Variants in COL4A6 observed in about 807,000 individuals in gnomAD.
COL4A6 encodes the protein collagen alpha-6(IV) chain.
A neutral mutation model predicts 126.7 loss-of-function variants in COL4A6; 59 were observed. That is an observed-to-expected ratio of 0.47 (90% CI 0.38 to 0.58). COL4A6 has a LOEUF of 0.58. COL4A6 is among the 20% of genes least tolerant of loss of function. The probability of loss-of-function intolerance (pLI) is 0.00; values close to 1 mark genes in which losing one functional copy is unlikely to be tolerated. For synonymous variants in COL4A6, 547 were observed against 496.6 expected, an observed-to-expected ratio of 1.10 and a Z score of -1.35; for missense variants, 1,285 against 1,337.3, an observed-to-expected ratio of 0.96 and a Z score of 0.61.
chrX:108,343,162 TATAGTGTG>T (rs2039618701), intron 2 of COL4A6, among the ~76,000 whole-genome samples: 2 of 36,798 alleles, frequency 5.4e-5, no homozygotes, highest in Non-Finnish European at 1.1e-4. Context: ...TATATATATA[TATAGTGTG>T]TGTGTGTGTG....
intron 8 of COL4A6, among the ~76,000 whole-genome samples, chrX:108,208,301 T>C (rs2035608273): frequency 8.9e-6 from 1 of 111,828 alleles, no homozygotes; most frequent in African/African-American, 3.3e-5. Context: ...AGGAAGGACA[T>C]AGAAGATCCA....
At chrX:108,303,582 T>A (rs2038551903) in intron 3 of COL4A6, among the ~76,000 whole-genome samples, 1 of 111,917 alleles carries the variant, frequency 8.9e-6, no homozygotes, top group Admixed American at 9.4e-5. Flanking sequence ...ATGAGATTTA[T>A]ACAAGCAATG....
At chrX:108,369,382 A>G (rs900577074) in intron 2 of COL4A6, among the ~76,000 whole-genome samples, 2 of 111,825 alleles carry the variant, frequency 1.8e-5, no homozygotes, top group African/African-American at 6.5e-5. Flanking sequence ...AAACCTGGAC[A>G]GTTCAACCTA....
chrX:108,259,608 C>T lies in COL4A6; in HGVS notation c.145-38234G>A, dbSNP rs185284039. Among the ~76,000 whole-genome samples the T allele has an allele frequency of 3.1e-4, 35 of 111,750 alleles. 1 individual carries two copies. The Admixed American group carries it at 3.2e-3, about 10-fold the overall frequency. On this transcript the variant is annotated intron_variant, in intron 3 of 44. Coordinates refer to ENST00000334504, the MANE Select transcript of COL4A6 (RefSeq NM_033641.4). ...CCATTATTCTTTAAGCCTTGCTCTT[C>T]TCATCTATAAAATAAGAGGATTAAG...
At chrX:108,197,255 G>A (rs571554958) in intron 13 of COL4A6, among the ~76,000 whole-genome samples, 4 of 111,817 alleles carry the variant, frequency 3.6e-5, no homozygotes, top group African/African-American at 1.3e-4. Flanking sequence ...CATCAGAGGT[G>A]AGGGTTTGTA....
chrX:108,387,312 G>A (rs2040722703), intron 2 of COL4A6, among the ~76,000 whole-genome samples: 1 of 111,896 alleles, frequency 8.9e-6, no homozygotes. Context: ...GGGCAGTATG[G>A]CCATTTTCAC....
At chrX:108,177,427 A>T (rs1465579234) in intron 27 of COL4A6, among the ~76,000 whole-genome samples, 1 of 111,895 alleles carries the variant, frequency 8.9e-6, no homozygotes. Flanking sequence ...GGTGAAGTAG[A>T]GGTTAAAGCT....
chrX:108,300,755 A>G (rs867299944), intron 3 of COL4A6, among the ~76,000 whole-genome samples: 1 of 62,132 alleles, frequency 1.6e-5, no homozygotes, highest in Non-Finnish European at 2.7e-5. Context: ...GTGTGTGTGT[A>G]GCCGCCCTAA....
intron 3 of COL4A6, among the ~76,000 whole-genome samples, chrX:108,263,757 G>A (rs766631059): frequency 7.2e-4 from 80 of 111,475 alleles, no homozygotes; most frequent in African/African-American, 2.4e-3. Context: ...TTAGTTTGGG[G>A]GTAGATCCCA....
Position 108,329,433 on chromosome X carries a change from T to C in COL4A6, c.64-18605A>G, listed in dbSNP as rs771053362. ...TCCAATCACAATGTAGGGACTTTAT[T>C]TGGATACTCAAATGTAAGGAAGCAA... On this transcript the variant is annotated intron_variant, in intron 2 of 44. Coordinates refer to ENST00000334504, the MANE Select transcript of COL4A6 (RefSeq NM_033641.4). Among the ~76,000 whole-genome samples the C allele has an allele frequency of 4.5e-5, 5 of 112,039 alleles. No homozygotes were observed. In the East Asian group the frequency reaches 1.4e-3, roughly 31 times the overall value.
intron 2 of COL4A6, among the ~76,000 whole-genome samples, chrX:108,368,438 G>A (rs187805449): frequency 1.8e-5 from 2 of 111,011 alleles, no homozygotes; most frequent in African/African-American, 6.6e-5. Flanking sequence ...AGTGAGTGGT[G>A]AGTGAATGTG....
At chrX:108,390,596 T>C (rs1169311244) in intron 2 of COL4A6, among the ~76,000 whole-genome samples, 2 of 109,711 alleles carry the variant, frequency 1.8e-5, no homozygotes, top group Non-Finnish European at 3.8e-5. Context: ...ATTTATGTCT[T>C]CTCTAAACTG....
intron 2 of COL4A6, among the ~76,000 whole-genome samples, chrX:108,336,476 G>A (rs1035312337): frequency 9.0e-6 from 1 of 111,238 alleles, no homozygotes; most frequent in Non-Finnish European, 1.9e-5. Context: ...CCAGGGGCTG[G>A]GGAGAGAGGT....
intron 3 of COL4A6, among the ~76,000 whole-genome samples, chrX:108,291,274 G>A (rs2038155426): frequency 8.9e-6 from 1 of 112,144 alleles, no homozygotes; most frequent in Admixed American, 9.4e-5. Context: ...CTCTCTGCTG[G>A]TGATAAGCAC....
At chrX:108,289,243 G>A (rs985591993) in intron 3 of COL4A6, among the ~76,000 whole-genome samples, 7 of 31,092 alleles carry the variant, frequency 2.3e-4, no homozygotes, top group Non-Finnish European at 3.5e-4. Context: ...AATGAGTATA[G>A]TGTGTGTGTG....
chrX:108,430,766 A>T (rs928360275), intron 2 of COL4A6, among the ~76,000 whole-genome samples: 2 of 112,066 alleles, frequency 1.8e-5, no homozygotes, highest in Non-Finnish European at 3.8e-5. Context: ...AATAAAAAAG[A>T]TCACAGCTGG....
chrX:108,180,715 G>A (rs921808837), intron 24 of COL4A6, 93 bp from the exon 25 acceptor site: 6 of 815,324 alleles, frequency 7.4e-6, no homozygotes, highest in Non-Finnish European at 1.1e-5. Flanking sequence ...GTCTCTTGGA[G>A]AGCCTCTCCT....
In COL4A6 at chrX:108,161,812, T is replaced by C. The variant is rs41300261; in HGVS notation, c.4217-77A>G. ...CACCTTCCCCAGGAAAGGGGACTTA[T>C]GTGTCATGCCCAAGACTCACTAGGA... On this transcript the variant is annotated intron_variant, in intron 41 of 44. Coordinates refer to ENST00000334504, the MANE Select transcript of COL4A6 (RefSeq NM_033641.4). 0.038 allele frequency: 24,213 copies of C among 645,076 alleles called. 407 individuals carry two copies. Among genetic ancestry groups the C allele is most frequent in the Non-Finnish European group, 0.048 (19,414 of 401,797 alleles). The allele number at this position is 645,076 out of a possible 1,213,427, so 53.2% of individuals were successfully genotyped here. A position where few individuals can be genotyped will look rare whatever the true frequency, so the allele number is the denominator to read the frequency against.
chrX:108,207,705 G>C (rs2035587994), intron 8 of COL4A6, among the ~76,000 whole-genome samples: 1 of 111,565 alleles, frequency 9.0e-6, no homozygotes, highest in Admixed American at 9.5e-5. Context: ...AAACAATACA[G>C]TGTAACAACT....
Sources: allele counts gnomAD v4.1 joint callset (sites outside exome capture counted in the v4.1 genomes callset), GRCh38; gene constraint gnomAD v4.1.1; transcripts MANE v1.5; gene names NCBI Gene and HGNC (gene_info 2026-07-23, HGNC 2026-07-21).